The following ATP6V1A variants were observed in gnomAD, a reference collection of about 807,000 sequenced individuals.
ATP6V1A encodes V-type proton ATPase catalytic subunit A.
In ATP6V1A, 18 loss-of-function variants were observed where a neutral mutation model predicts 70.1. The ratio of observed to expected loss-of-function variants is 0.26; its 90% CI spans 0.18 to 0.38. The LOEUF (loss-of-function observed/expected upper bound fraction) is 0.38. ATP6V1A is among the 10% of genes least tolerant of loss of function. The pLI, the probability that ATP6V1A is intolerant of heterozygous loss-of-function variation, is 1.00. For synonymous variants in ATP6V1A, 232 were observed against 253.8 expected (o/e 0.91, Z 0.82); for missense variants, 424 against 772.4 (o/e 0.55, Z 5.35).
intron 1 of ATP6V1A, among the ~76,000 whole-genome samples, chr3:113,762,364 T>C (rs1222189258): frequency 1.3e-5 from 2 of 151,492 alleles, no homozygotes; most frequent in Non-Finnish European, 2.9e-5. Flanking sequence ...AGGTCAGGAG[T>C]TCGAGACAAG....
intron 13 of ATP6V1A, 36 bp from the exon 14 acceptor site, chr3:113,805,318 A>C: frequency 6.3e-7 from 1 of 1,596,028 alleles, no homozygotes; most frequent in South Asian, 1.1e-5. Flanking sequence ...TTTGGAGTTT[A>C]TTTTTGTTAA....
intron 1 of ATP6V1A, among the ~76,000 whole-genome samples, chr3:113,755,542 A>C (rs1708639035): frequency 6.6e-6 from 1 of 152,118 alleles, no homozygotes; most frequent in Non-Finnish European, 1.5e-5. Flanking sequence ...CAGAGGTTGC[A>C]GTGAGCTGAG....
intron 1 of ATP6V1A, among the ~76,000 whole-genome samples, chr3:113,766,045 T>C (rs1708766640): frequency 6.6e-6 from 1 of 152,200 alleles, no homozygotes; most frequent in Non-Finnish European, 1.5e-5. Flanking sequence ...TCCCTTGTGC[T>C]TGCGTTTTTA....
chr3:113,760,786 C>T (rs778598973), intron 1 of ATP6V1A, among the ~76,000 whole-genome samples: 12 of 149,604 alleles, frequency 8.0e-5, no homozygotes, highest in African/African-American at 1.5e-4. Flanking sequence ...ATATAGACAT[C>T]GGCCAGGTAC....
chr3:113,780,380 A>T (rs1577088298), intron 2 of ATP6V1A, among the ~76,000 whole-genome samples: 1 of 152,352 alleles, frequency 6.6e-6, no homozygotes, highest in East Asian at 1.9e-4. Flanking sequence ...TTACTAGACC[A>T]CATGGTCCAA....
intron 8 of ATP6V1A, among the ~76,000 whole-genome samples, chr3:113,792,548 A>G (rs1357251416): frequency 2.0e-5 from 3 of 152,196 alleles, no homozygotes; most frequent in African/African-American, 7.2e-5. Flanking sequence ...TATGTTGCCC[A>G]GGATGGGCAA....
At chr3:113,753,587 G>A (rs7622403) in intron 1 of ATP6V1A, among the ~76,000 whole-genome samples, 52,152 of 151,998 alleles carry the variant, frequency 0.34, 9,047 homozygotes, top group East Asian at 0.36. Context: ...AATTATGGCC[G>A]AGGCATTTTA....
At chr3:113,748,959 A>G (rs1240849277) in intron 1 of ATP6V1A, among the ~76,000 whole-genome samples, 1 of 152,214 alleles carries the variant, frequency 6.6e-6, no homozygotes, top group Non-Finnish European at 1.5e-5. Context: ...TTCAGTGACC[A>G]GGTGACATTG....
chr3:113,809,255 C>CAA (rs369206173), intron 14 of ATP6V1A, 80 bp from the exon 15 acceptor site: 782 of 1,004,778 alleles, frequency 7.8e-4, no homozygotes, highest in East Asian at 8.8e-4. Context: ...ACTCTGCCTC[C>CAA]AAAAAAAAAA....
At chr3:113,782,588 A>G (rs1190029208) in intron 3 of ATP6V1A, among the ~76,000 whole-genome samples, 7 of 139,020 alleles carry the variant, frequency 5.0e-5, no homozygotes, top group African/African-American at 8.6e-5. Flanking sequence ...ATATATACAC[A>G]TATATATATA....
intron 1 of ATP6V1A, among the ~76,000 whole-genome samples, chr3:113,751,435 A>G (rs1180919214): frequency 6.6e-6 from 1 of 151,828 alleles, no homozygotes; most frequent in African/African-American, 2.4e-5. Flanking sequence ...GAAAGATTTT[A>G]TTAAGTTTAT....
At chr3:113,801,580 A>C (rs1228176637) in intron 12 of ATP6V1A, among the ~76,000 whole-genome samples, 1 of 152,190 alleles carries the variant, frequency 6.6e-6, no homozygotes, top group Non-Finnish European at 1.5e-5. Flanking sequence ...AGAAATTCTC[A>C]AGCAGGTCCT....
Position 113,805,404 on chromosome 3 carries a change from T to C in ATP6V1A, c.1640T>C (p.Phe547Ser). ...GGGATGCTGTCCAACATGATTGCAT[T>C]TTATGATATGGCTCGTAGAGCTGTT... Reference protein sequence around the residue: ...TVGMLSNMIAFYDMARRAVET... With the variant: ...TVGMLSNMIASYDMARRAVET... Residue 547 changes from phenylalanine to serine, a missense_variant, in exon 14 of 15, where the codon TTT becomes TCT. Phe to Ser is a radical substitution (Grantham distance 155). Transcript: ENST00000273398. 6.2e-7 allele frequency: 1 copy of C among 1,614,148 alleles called. No homozygotes were observed. The highest frequency in any genetic ancestry group is 8.5e-7 in the Non-Finnish European group (1 of 1,179,994).
intron 12 of ATP6V1A, among the ~76,000 whole-genome samples, chr3:113,801,776 CAAGT>C (rs1324031489): frequency 1.3e-5 from 2 of 152,032 alleles, no homozygotes; most frequent in African/African-American, 2.4e-5. Context: ...ACCAAAGACA[CAAGT>C]AAGAAGTTTT....
At chr3:113,779,630 G>T (rs1708957115) in intron 2 of ATP6V1A, among the ~76,000 whole-genome samples, 1 of 152,130 alleles carries the variant, frequency 6.6e-6, no homozygotes, top group African/African-American at 2.4e-5. Flanking sequence ...CAAGAACTTG[G>T]TGTTTGAGCT....
chr3:113,784,535 A>G (rs1435051873), intron 4 of ATP6V1A, 97 bp downstream of exon 4: 2 of 1,390,136 alleles, frequency 1.4e-6, no homozygotes, highest in Non-Finnish European at 9.8e-7. Flanking sequence ...ATAAAAATAG[A>G]CTACAGAAGG....
At chr3:113,748,660 T>C (rs754014402) in intron 1 of ATP6V1A, among the ~76,000 whole-genome samples, 68 of 152,260 alleles carry the variant, frequency 4.5e-4, no homozygotes, top group Non-Finnish European at 7.2e-4. Flanking sequence ...AAAGTATTTT[T>C]ATAGTAAGTG....
At chr3:113,774,322 A>T (rs906706763) in intron 1 of ATP6V1A, among the ~76,000 whole-genome samples, 1 of 152,208 alleles carries the variant, frequency 6.6e-6, no homozygotes, top group African/African-American at 2.4e-5. Flanking sequence ...AAAAAAGGCA[A>T]TCTTAGCTTA....
chr3:113,765,349 T>C (rs566814308), intron 1 of ATP6V1A, among the ~76,000 whole-genome samples: 3 of 152,130 alleles, frequency 2.0e-5, no homozygotes, highest in Non-Finnish European at 4.4e-5. Context: ...GCGTAGTGGC[T>C]CATCCAGCAC....
Sources: allele counts gnomAD v4.1 joint callset (sites outside exome capture counted in the v4.1 genomes callset), GRCh38; gene constraint gnomAD v4.1.1; transcripts MANE v1.5; gene names NCBI Gene and HGNC (gene_info 2026-07-23, HGNC 2026-07-21).